BLZF1: variants seen among roughly 807,000 people sequenced by gnomAD.
The protein encoded by BLZF1 is golgin-45.
Under a neutral mutation model 43.8 loss-of-function variants are expected in BLZF1, and 39 were observed. The observed-to-expected ratio is 0.89, with a 90% CI of 0.69 to 1.16. The LOEUF (loss-of-function observed/expected upper bound fraction) is 1.16. Ranked by LOEUF, BLZF1 falls within the 50% of genes most tolerant of loss-of-function variation. BLZF1 has a pLI of 0.00. For missense variants in BLZF1, 449 were observed against 469.8 expected, an observed-to-expected ratio of 0.96 and a Z score of 0.41; for synonymous variants, 136 against 159.4, an observed-to-expected ratio of 0.85 and a Z score of 1.11.
chr1:169,383,067 C>A (rs1487658063), intron 6 of BLZF1, among the ~76,000 whole-genome samples: 1 of 152,174 alleles, frequency 6.6e-6, no homozygotes, highest in Non-Finnish European at 1.5e-5. Flanking sequence ...GCCTTACTGC[C>A]TTATCTTCCT....
intron 1 of BLZF1, 146 bp from the exon 2 acceptor site, chr1:169,369,327 G>A (rs1654021267): frequency 1.4e-5 from 6 of 432,590 alleles, no homozygotes; most frequent in Non-Finnish European, 2.5e-5. Flanking sequence ...TGCCTTCTGT[G>A]AGAATGGGAT....
At chr1:169,377,088 C>A (rs1486038964) in intron 3 of BLZF1, 109 bp downstream of exon 3, 8 of 892,610 alleles carry the variant, frequency 9.0e-6, no homozygotes, top group African/African-American at 1.7e-5. Context: ...TTCATCCTAG[C>A]TTGTCAGTTC....
rs765269804 is a variant in BLZF1 at position 169,380,602 on chromosome 1, A to G, written c.790A>G (p.Thr264Ala). 2 of 1,612,598 alleles carry G rather than the reference A, an allele frequency of 1.2e-6. No individual in the cohort carries two copies. Among genetic ancestry groups the G allele is most frequent in the Non-Finnish European group, 1.7e-6 (2 of 1,178,882 alleles). ...ACAGTTTCGTCAAGAAATGATAGCT[A>G]CCCAGAAGTATGGCACTTGTTTACA... Reference protein sequence around the residue: ...REQFRQEMIATQKLLEELLVS... With the variant: ...REQFRQEMIAAQKLLEELLVS... Residue 264 changes from threonine (T) to alanine (A), a missense_variant, in exon 5 of 7, where the codon ACC becomes GCC. Physicochemically the swap from Thr to Ala is moderately conservative, Grantham distance 58. Transcript: ENST00000367808.
chr1:169,384,796 C>G (rs1211881499), intron 6 of BLZF1, among the ~76,000 whole-genome samples: 1 of 152,140 alleles, frequency 6.6e-6, no homozygotes, highest in East Asian at 1.9e-4. Context: ...GCACTTATAT[C>G]TGTAACTGCT....
At chr1:169,391,368 A>C (rs1325756506), downstream of BLZF1, among the ~76,000 whole-genome samples, 2 of 152,082 alleles carry the variant, frequency 1.3e-5, no homozygotes, top group African/African-American at 4.8e-5. Flanking sequence ...CCCTGGGAAA[A>C]TCTCACCTGC....
At chr1:169,375,708 A>T (rs917724769) in intron 2 of BLZF1, among the ~76,000 whole-genome samples, 4 of 151,494 alleles carry the variant, frequency 2.6e-5, no homozygotes, top group African/African-American at 9.7e-5. Flanking sequence ...GACCACTCAG[A>T]GTTCATCATT....
chr1:169,388,661 A>G (rs1654739093), downstream of BLZF1, among the ~76,000 whole-genome samples: 1 of 152,172 alleles, frequency 6.6e-6, no homozygotes, highest in Admixed American at 6.5e-5. Context: ...GCACTCCTAC[A>G]ACTCAACCAC....
At position 169,380,621 on chromosome 1, in the gene BLZF1, G is replaced by A. The variant is rs1268307769; in HGVS notation, c.797+12G>A. ...ATAGCTACCCAGAAGTATGGCACTT[G>A]TTTACATTCTGAACTCTTCTGCTTT... On this transcript the variant is annotated intron_variant, in intron 5 of 6. Coordinates refer to ENST00000367808, the MANE Select transcript of BLZF1 (RefSeq NM_001320973.2). 5 of 1,611,382 alleles carry A rather than the reference G, an allele frequency of 3.1e-6. No homozygotes were observed. The highest frequency in any genetic ancestry group is 4.2e-6 in the Non-Finnish European group (5 of 1,178,338).
At chr1:169,382,834 C>G (rs1033137924) in intron 6 of BLZF1, among the ~76,000 whole-genome samples, 2 of 152,172 alleles carry the variant, frequency 1.3e-5, no homozygotes, top group African/African-American at 4.8e-5. Context: ...ATAACTCTTG[C>G]ACTATTAAAA....
rs1037850798 is a variant in BLZF1 at position 169,393,439 on chromosome 1, A to C, written c.*28-2455A>C. On this transcript the variant is annotated intron_variant, in intron 7 of 7. Transcript: ENST00000329281. ...CCCGTCTCTACTAAAAATAAAAAAA[A>C]ATTAGCTGGGCATGGTGGCGGGTGC... Among the ~76,000 whole-genome samples, 48 of 151,382 alleles carry C rather than the reference A, an allele frequency of 3.2e-4. 2 individuals are homozygous for C. The highest frequency in any genetic ancestry group is 5.9e-5 in the Non-Finnish European group (4 of 67,842).
In BLZF1 at chr1:169,376,822, A is replaced by C. The variant is rs745319013; in HGVS notation, c.311A>C (p.His104Pro). 6.2e-7 allele frequency: 1 copy of C among 1,613,368 alleles called. No homozygotes were observed. Residue 104 changes from histidine (H) to proline (P), a missense_variant, in exon 3 of 7, where the codon CAT becomes CCT. Transcript: ENST00000367808. The stretch of plus-strand genomic sequence containing the variant: ...AATACAAAGGTTAAGTCTCTGGGAC[A>C]TCATAAAGGAGAATTCCTTGGTCAG... ...NKNTKVKSLG[H>P]HKGEFLGQSE...
intron 3 of BLZF1, among the ~76,000 whole-genome samples, chr1:169,377,661 T>C (rs1201686605): frequency 6.6e-6 from 1 of 152,018 alleles, no homozygotes; most frequent in Non-Finnish European, 1.5e-5. Context: ...TAGTGCCACC[T>C]GAATCATTTC....
At chr1:169,376,482 G>A (rs1393907499) in intron 2 of BLZF1, 58 bp from the exon 3 acceptor site, 1 of 1,465,338 alleles carries the variant, frequency 6.8e-7, no homozygotes, top group Non-Finnish European at 9.2e-7. Flanking sequence ...GCATGTATTA[G>A]CATTTTCTTG....
chr1:169,382,419 C>T (rs1654553612), intron 6 of BLZF1, 138 bp downstream of exon 6: 1 of 707,070 alleles, frequency 1.4e-6, no homozygotes, highest in Non-Finnish European at 2.3e-6. Context: ...AGTGTGTTAT[C>T]TTGGAGAAAA....
At chr1:169,372,046 C>T in intron 2 of BLZF1, among the ~76,000 whole-genome samples, 1 of 152,118 alleles carries the variant, frequency 6.6e-6, no homozygotes, top group East Asian at 1.9e-4. Flanking sequence ...TGCAACATTG[C>T]CCACACTTAT....
At chr1:169,386,298 T>C (rs922348791) in intron 6 of BLZF1, among the ~76,000 whole-genome samples, 6 of 152,110 alleles carry the variant, frequency 3.9e-5, no homozygotes, top group African/African-American at 1.4e-4. Flanking sequence ...ATCGTTTCCA[T>C]AGAAGAATAA....
intron 2 of BLZF1, among the ~76,000 whole-genome samples, chr1:169,376,105 T>C (rs372516256): frequency 6.6e-6 from 1 of 152,116 alleles, no homozygotes; most frequent in Non-Finnish European, 1.5e-5. Context: ...TCTCTTATGA[T>C]GTAGATGGTT....
rs753586765 is a variant in BLZF1, at chr1:169,376,883, A to G, written c.372A>G (p.Ser124=). 6.2e-6 allele frequency: 10 copies of G among 1,613,326 alleles called. No individual in the cohort carries two copies. The highest frequency in any genetic ancestry group is 7.6e-6 in the Non-Finnish European group (9 of 1,179,524). Residue 124 remains serine, a synonymous_variant, in exon 3 of 7, where the codon TCA becomes TCG. Coordinates refer to ENST00000367808, the MANE Select transcript of BLZF1 (RefSeq NM_001320973.2). ...TTATAGAACCTAATAAGGAACTCTC[A>G]GAGGTAAAGAATGTATTGGAAAAGC... The part of the protein sequence containing the change: ...EGVIEPNKEL[S]EVKNVLEKLK...
At chr1:169,395,221 A>C (rs777188551) in intron 7 of BLZF1, 11 of 1,605,722 alleles carry the variant, frequency 6.9e-6, no homozygotes, top group South Asian at 6.7e-5. Context: ...AGAAACAGGC[A>C]TGATCAGATT....
Sources: allele counts gnomAD v4.1 joint callset (sites outside exome capture counted in the v4.1 genomes callset), GRCh38; gene constraint gnomAD v4.1.1; transcripts MANE v1.5; gene names NCBI Gene and HGNC (gene_info 2026-07-23, HGNC 2026-07-21).